TENT5D: variants seen among roughly 807,000 people sequenced by gnomAD.
The protein encoded by TENT5D is terminal nucleotidyltransferase 5D.
For synonymous variants in TENT5D, 103 were observed against 100.6 expected, an observed-to-expected ratio of 1.02 and a Z score of -0.15; for missense variants, 191 against 287.0, an observed-to-expected ratio of 0.67 and a Z score of 2.42.
chrX:80,412,220 CAG>C (rs903059763), intron 3 of TENT5D, among the ~76,000 whole-genome samples: 7 of 112,555 alleles, frequency 6.2e-5, no homozygotes, highest in Non-Finnish European at 1.1e-4. Context: ...AGCTGGGACA[CAG>C]GGCACCAAGT....
intron 3 of TENT5D, among the ~76,000 whole-genome samples, chrX:80,349,090 A>C (rs757000275): frequency 8.9e-6 from 1 of 112,241 alleles, no homozygotes; most frequent in Non-Finnish European, 1.9e-5. Context: ...TTTCACATCT[A>C]TGTTCATCAA....
chrX:80,346,599 G>T (rs186189938), intron 3 of TENT5D, among the ~76,000 whole-genome samples: 2 of 111,636 alleles, frequency 1.8e-5, no homozygotes. Flanking sequence ...ATGATAGTGC[G>T]CAGCTTTAAT....
intron 3 of TENT5D, among the ~76,000 whole-genome samples, chrX:80,406,834 T>G (rs1931509055): frequency 1.2e-5 from 1 of 81,533 alleles, no homozygotes; most frequent in South Asian, 7.3e-4. Context: ...GAAAAAATGT[T>G]AAGGGCAGCC....
chrX:80,386,858 T>C (rs191979672), intron 3 of TENT5D, among the ~76,000 whole-genome samples: 56 of 111,807 alleles, frequency 5.0e-4, no homozygotes, highest in African/African-American at 1.2e-3. Flanking sequence ...TCAATTCTTA[T>C]GTGAGAAGAC....
chrX:80,437,334 T>C (rs917747913), intron 1 of TENT5D, among the ~76,000 whole-genome samples: 2 of 112,134 alleles, frequency 1.8e-5, no homozygotes, highest in Non-Finnish European at 3.8e-5. Context: ...TTTTATTTAC[T>C]GTTGTTCCTT....
upstream of TENT5D, among the ~76,000 whole-genome samples, chrX:80,416,388 GTT>G (rs61167456): frequency 1.0e-5 from 1 of 96,539 alleles, no homozygotes. Context: ...ATGTTAGTTG[GTT>G]TTTTTTTTTT....
intron 1 of TENT5D, among the ~76,000 whole-genome samples, chrX:80,425,395 T>C (rs769466710): frequency 8.9e-6 from 1 of 112,679 alleles, no homozygotes; most frequent in South Asian, 3.6e-4. Context: ...TTTTATGAGT[T>C]CAGTCCATTC....
At chrX:80,426,030 A>AAATAAT (rs1360363125) in intron 1 of TENT5D, among the ~76,000 whole-genome samples, 1 of 110,055 alleles carries the variant, frequency 9.1e-6, no homozygotes, top group Non-Finnish European at 1.9e-5. Context: ...CCATCTCAAA[A>AAATAAT]AATAATAATA....
chrX:80,408,392 A>G (rs1261114746), intron 3 of TENT5D, among the ~76,000 whole-genome samples: 2 of 111,199 alleles, frequency 1.8e-5, no homozygotes, highest in Non-Finnish European at 3.8e-5. Flanking sequence ...TCAAATAGAC[A>G]CAATAAAAAA....
chrX:80,394,795 A>G (rs968966890), intron 3 of TENT5D, among the ~76,000 whole-genome samples: 4 of 111,822 alleles, frequency 3.6e-5, no homozygotes, highest in Non-Finnish European at 5.6e-5. Context: ...TGATACATGT[A>G]TACATTGTGT....
rs6622040 is a variant in TENT5D at position 80,356,909 on chromosome X, C to T, written c.-142+14345C>T. Among the ~76,000 whole-genome samples, 22 of 110,884 alleles carry T rather than the reference C, an allele frequency of 2.0e-4. No individual in the cohort carries two copies. In the East Asian group the frequency reaches 2.3e-3, roughly 12 times the overall value. ...TATATCTCCTAATGCTATCCCTCCC[C>T]GCTCCTCCCACCCCACAACAGGCCC... On this transcript the variant is annotated intron_variant, in intron 3 of 4. Coordinates refer to the TENT5D transcript ENST00000538312.
intron 3 of TENT5D, among the ~76,000 whole-genome samples, chrX:80,401,046 G>A (rs1204408532): frequency 9.8e-5 from 11 of 111,688 alleles, no homozygotes; most frequent in Non-Finnish European, 1.5e-4. Flanking sequence ...TTAAATCCAC[G>A]AATGTAAGCT....
At position 80,401,658 on chromosome X, in the gene TENT5D, A is replaced by G. The variant is rs773367728; in HGVS notation, c.-141-36952A>G. On this transcript the variant is annotated intron_variant, in intron 3 of 4. Transcript: ENST00000538312. ...TGTCATTTTTTCTGCATTTAATGAG[A>G]TGATCATATGATTTATGTCTTTCAT... Among the ~76,000 whole-genome samples, 10 of 111,942 alleles carry G rather than the reference A, an allele frequency of 8.9e-5. No individual in the cohort carries two copies. The South Asian group carries it at 3.7e-3, about 41-fold the overall frequency.
At chrX:80,370,018 G>T (rs1247668126) in intron 3 of TENT5D, among the ~76,000 whole-genome samples, 1 of 110,838 alleles carries the variant, frequency 9.0e-6, no homozygotes, top group African/African-American at 3.3e-5. Flanking sequence ...AAACTCCTGG[G>T]CTCAAGGGAT....
At chrX:80,440,229 G>A (rs770288017) in intron 2 of TENT5D, among the ~76,000 whole-genome samples, 1 of 111,648 alleles carries the variant, frequency 9.0e-6, no homozygotes, top group Non-Finnish European at 1.9e-5. Context: ...GTGGCAATTG[G>A]AAAGTTGCAT....
chrX:80,341,015 C>T (rs1051808209), intron 2 of TENT5D, among the ~76,000 whole-genome samples: 4 of 112,085 alleles, frequency 3.6e-5, no homozygotes, highest in Non-Finnish European at 7.5e-5. Flanking sequence ...ATAACAACAT[C>T]ATTCCTAGCT....
chrX:80,394,219 T>A (rs1348452548), intron 3 of TENT5D, among the ~76,000 whole-genome samples: 1 of 111,044 alleles, frequency 9.0e-6, no homozygotes, highest in Admixed American at 9.6e-5. Flanking sequence ...CCAACACTTG[T>A]TATCTTTCAT....
intron 3 of TENT5D, among the ~76,000 whole-genome samples, chrX:80,401,947 T>G (rs1210559061): frequency 8.9e-6 from 1 of 111,993 alleles, no homozygotes; most frequent in Non-Finnish European, 1.9e-5. Flanking sequence ...TCTGGAATTT[T>G]TTGATAAAGT....
At chrX:80,404,524 T>A (rs1931445896) in intron 3 of TENT5D, among the ~76,000 whole-genome samples, 1 of 112,089 alleles carries the variant, frequency 8.9e-6, no homozygotes, top group South Asian at 3.7e-4. Flanking sequence ...ATATTAATGG[T>A]TAATTTCTAT....
Sources: allele counts gnomAD v4.1 joint callset (sites outside exome capture counted in the v4.1 genomes callset), GRCh38; gene constraint gnomAD v4.1.1; transcripts MANE v1.5; gene names NCBI Gene and HGNC (gene_info 2026-07-23, HGNC 2026-07-21).